Variants in WWOX observed in about 807,000 individuals in gnomAD.
The protein encoded by WWOX is WW domain-containing oxidoreductase.
A neutral mutation model predicts 46.2 loss-of-function variants in WWOX; 69 were observed. The ratio of observed to expected loss-of-function variants is 1.49; its 90% confidence interval spans 1.23 to 1.82. The LOEUF is 1.82. Among genes scored for constraint, WWOX ranks in the 40% most tolerant of loss-of-function variants. The pLI is 0.00. For missense variants in WWOX, 919 were observed against 542.6 expected (o/e 1.69, Z -6.89); for synonymous variants, 359 against 202.6 (o/e 1.77, Z -6.56).
intron 8 of WWOX, among the ~76,000 whole-genome samples, chr16:78,441,848 C>G (rs546274775): frequency 6.6e-6 from 1 of 151,916 alleles, no homozygotes; most frequent in East Asian, 1.9e-4. Context: ...TATGAATGTT[C>G]AGCATTCAGA....
chr16:78,368,652 G>A (rs922040283), intron 5 of WWOX, among the ~76,000 whole-genome samples: 12 of 152,216 alleles, frequency 7.9e-5, no homozygotes, highest in Non-Finnish European at 1.2e-4. Flanking sequence ...TCGTGAAGTG[G>A]CTTCTAATGG....
intron 8 of WWOX, among the ~76,000 whole-genome samples, chr16:78,950,523 C>G (rs1442493921): frequency 1.8e-5 from 2 of 108,584 alleles, no homozygotes; most frequent in East Asian, 2.7e-4. Flanking sequence ...AAGGAACACA[C>G]ACACACACAT....
At chr16:79,037,493 GTCTAGGAC>G (rs1030630993) in intron 8 of WWOX, among the ~76,000 whole-genome samples, 1 of 152,050 alleles carries the variant, frequency 6.6e-6, no homozygotes, top group African/African-American at 2.4e-5. Context: ...TGTCATAGGA[GTCTAGGAC>G]TCAGCAGCTG....
At chr16:78,464,209 G>C (rs1192301275) in intron 8 of WWOX, among the ~76,000 whole-genome samples, 1 of 152,004 alleles carries the variant, frequency 6.6e-6, no homozygotes, top group Non-Finnish European at 1.5e-5. Context: ...GTACTAAGCA[G>C]AATGGAAGGG....
At chr16:79,122,992 C>G (rs1024094178) in intron 8 of WWOX, among the ~76,000 whole-genome samples, 1 of 152,172 alleles carries the variant, frequency 6.6e-6, no homozygotes, top group Admixed American at 6.5e-5. Flanking sequence ...TCCAGTTGCC[C>G]TTTTCCTTCT....
rs1055796160 is a variant in WWOX, at chr16:79,187,596, A to C, written c.1057-24012A>C. Among the ~76,000 whole-genome samples the C allele has an allele frequency of 5.3e-5, 8 of 152,282 alleles. No homozygotes were observed. In the East Asian group the frequency reaches 1.5e-3, roughly 29 times the overall value. The stretch of plus-strand genomic sequence containing the variant: ...CGCCCAGCTGATTTTTAGTGGAGAC[A>C]GGGTTTCACCATGTTGGCCAGGCTG... On this transcript the variant is annotated intron_variant, in intron 8 of 8. Coordinates refer to ENST00000566780, the MANE Select transcript of WWOX (RefSeq NM_016373.4).
intron 8 of WWOX, among the ~76,000 whole-genome samples, chr16:78,742,720 C>T (rs2049258794): frequency 1.3e-5 from 2 of 152,156 alleles, no homozygotes; most frequent in Admixed American, 6.5e-5. Context: ...TGGGGTTGGG[C>T]GACACAGTTT....
chr16:78,578,284 ATT>A (rs1172203878), intron 8 of WWOX, among the ~76,000 whole-genome samples: 16 of 20,830 alleles, frequency 7.7e-4, no homozygotes, highest in South Asian at 2.0e-3. Flanking sequence ...ATATATATAT[ATT>A]TTTTTTTTTT....
chr16:79,045,014 A>G (rs1046636836), intron 8 of WWOX, among the ~76,000 whole-genome samples: 1 of 152,234 alleles, frequency 6.6e-6, no homozygotes, highest in Non-Finnish European at 1.5e-5. Context: ...TAAAATTAGC[A>G]TCAGCGAGCT....
intron 8 of WWOX, among the ~76,000 whole-genome samples, chr16:78,549,974 A>G (rs529102864): frequency 6.6e-6 from 1 of 152,308 alleles, no homozygotes; most frequent in South Asian, 2.1e-4. Context: ...GAAAATTCCC[A>G]TCCCACCCCC....
At chr16:78,407,072 G>C (rs2082566513) in intron 6 of WWOX, among the ~76,000 whole-genome samples, 1 of 152,200 alleles carries the variant, frequency 6.6e-6, no homozygotes, top group South Asian at 2.1e-4. Context: ...AGCTGTTGAA[G>C]GGAATTGCTG....
chr16:79,194,064 T>G (rs1008518183), intron 8 of WWOX, among the ~76,000 whole-genome samples: 1 of 152,146 alleles, frequency 6.6e-6, no homozygotes, highest in Non-Finnish European at 1.5e-5. Flanking sequence ...TTATGAAGAT[T>G]CTGTGTGTGT....
At chr16:78,868,922 A>G (rs1480902689) in intron 8 of WWOX, among the ~76,000 whole-genome samples, 3 of 152,076 alleles carry the variant, frequency 2.0e-5, no homozygotes, top group Admixed American at 2.0e-4. Context: ...TTTTTCCATT[A>G]AAACACACCT....
At chr16:78,723,192 C>G (rs1454823386) in intron 8 of WWOX, among the ~76,000 whole-genome samples, 1 of 152,206 alleles carries the variant, frequency 6.6e-6, no homozygotes, top group Non-Finnish European at 1.5e-5. Flanking sequence ...GATTGTCAGG[C>G]TTTCTTAGCA....
chr16:78,700,150 A>G (rs1171410793), intron 8 of WWOX, among the ~76,000 whole-genome samples: 43 of 151,026 alleles, frequency 2.8e-4, no homozygotes, highest in Admixed American at 1.3e-4. Flanking sequence ...CCAGGCTGCT[A>G]TAACAGAATA....
At chr16:78,859,375 G>C (rs1401755801) in intron 8 of WWOX, among the ~76,000 whole-genome samples, 1 of 151,986 alleles carries the variant, frequency 6.6e-6, no homozygotes, top group Non-Finnish European at 1.5e-5. Context: ...CTGCCTTCCA[G>C]AAAAGAGCAG....
chr16:78,857,565 G>A (rs765339089), intron 8 of WWOX, among the ~76,000 whole-genome samples: 6 of 152,120 alleles, frequency 3.9e-5, no homozygotes, highest in Non-Finnish European at 5.9e-5. Flanking sequence ...CAAGCTGACT[G>A]TCGGTCAAGA....
intron 8 of WWOX, among the ~76,000 whole-genome samples, chr16:79,147,707 T>A (rs1438388469): frequency 6.6e-6 from 1 of 152,228 alleles, no homozygotes; most frequent in Non-Finnish European, 1.5e-5. Flanking sequence ...CCACCAGCAT[T>A]TGGTGATCTA....
At chr16:78,756,336 A>C (rs1324600810) in intron 8 of WWOX, among the ~76,000 whole-genome samples, 1 of 152,114 alleles carries the variant, frequency 6.6e-6, no homozygotes, top group Non-Finnish European at 1.5e-5. Flanking sequence ...AAAAAAAATC[A>C]ATAAAATGAG....
Sources: gnomAD v4.1 joint callset for allele counts (sites outside exome capture counted in the v4.1 genomes callset) on GRCh38, gnomAD v4.1.1 for gene constraint, MANE v1.5 for transcripts, NCBI Gene and HGNC (gene_info 2026-07-23, HGNC 2026-07-21) for gene names.